The following EYA4 variants were observed in gnomAD, a reference collection of about 807,000 sequenced individuals.
EYA4 encodes protein phosphatase EYA4.
Under a neutral mutation model 87.9 loss-of-function variants are expected in EYA4, and 31 were observed. That is an observed-to-expected ratio of 0.35 (90% CI 0.27 to 0.48). EYA4 has a LOEUF of 0.48. EYA4 is among the 20% of genes least tolerant of loss of function. The pLI is 0.99. For missense variants in EYA4, 678 were observed against 761.4 expected, an observed-to-expected ratio of 0.89 and a Z score of 1.29; for synonymous variants, 263 against 270.6, an observed-to-expected ratio of 0.97 and a Z score of 0.28.
chr6:133,476,862 C>CA (rs1392646283), intron 11 of EYA4, among the ~76,000 whole-genome samples: 16 of 152,034 alleles, frequency 1.1e-4, no homozygotes, highest in African/African-American at 3.6e-4. Context: ...TGTCCCCATC[C>CA]AAAATCTCAT....
At chr6:133,409,607 A>G (rs1270817505) in intron 3 of EYA4, among the ~76,000 whole-genome samples, 2 of 152,200 alleles carry the variant, frequency 1.3e-5, no homozygotes, top group African/African-American at 4.8e-5. Flanking sequence ...TAACCTATGT[A>G]TATCTCTATA....
chr6:133,280,459 C>T (rs1777530338), intron 2 of EYA4, among the ~76,000 whole-genome samples: 1 of 151,812 alleles, frequency 6.6e-6, no homozygotes, highest in Admixed American at 6.6e-5. Context: ...TACGGTGGTA[C>T]AATCTCGGCT....
At chr6:133,442,273 C>A (rs542723871) in intron 3 of EYA4, among the ~76,000 whole-genome samples, 1 of 152,138 alleles carries the variant, frequency 6.6e-6, no homozygotes, top group South Asian at 2.1e-4. Flanking sequence ...CATAGTATTT[C>A]TTTTGTGTTT....
At chr6:133,257,786 C>T (rs576744533) in intron 1 of EYA4, among the ~76,000 whole-genome samples, 11 of 152,268 alleles carry the variant, frequency 7.2e-5, no homozygotes, top group African/African-American at 2.2e-4. Context: ...CTTCATGAAA[C>T]GTAATTTATC....
chr6:133,408,569 A>G (rs968894947), intron 3 of EYA4, among the ~76,000 whole-genome samples: 1 of 152,196 alleles, frequency 6.6e-6, no homozygotes, highest in South Asian at 2.1e-4. Context: ...AATTTGAAAC[A>G]TGGATTTGCC....
intron 3 of EYA4, among the ~76,000 whole-genome samples, chr6:133,430,579 T>C (rs1791098247): frequency 6.6e-6 from 1 of 152,230 alleles, no homozygotes; most frequent in Admixed American, 6.5e-5. Flanking sequence ...AAATTCTTTA[T>C]ACTGGAGAAA....
At chr6:133,287,169 A>G (rs1338041710) in intron 2 of EYA4, among the ~76,000 whole-genome samples, 1 of 152,218 alleles carries the variant, frequency 6.6e-6, no homozygotes, top group East Asian at 1.9e-4. Flanking sequence ...CTATGCTATG[A>G]TATATTATTG....
intron 11 of EYA4, among the ~76,000 whole-genome samples, chr6:133,479,113 A>G (rs1795991091): frequency 6.6e-6 from 1 of 152,216 alleles, no homozygotes; most frequent in Non-Finnish European, 1.5e-5. Flanking sequence ...TTTATTTGAA[A>G]GCAGACATTT....
intron 3 of EYA4, among the ~76,000 whole-genome samples, chr6:133,385,162 G>A (rs1043865408): frequency 2.6e-5 from 4 of 151,702 alleles, no homozygotes; most frequent in Admixed American, 6.6e-5. Flanking sequence ...AGCCAGGCGT[G>A]GTGGCAGGCG....
At position 133,511,005 on chromosome 6, in the gene EYA4, G is replaced by A. The variant is rs190888568; in HGVS notation, c.1282-1716G>A. Among the ~76,000 whole-genome samples, 25 of 152,266 alleles carry A rather than the reference G, an allele frequency of 1.6e-4. No individual in the cohort carries two copies. In the East Asian group the frequency reaches 2.3e-3, roughly 14 times the overall value. ...TCAGATTAAATTTGGGGACCCATAC[G>A]TGTAGGTGGAGATTTATTCAAAACT... On this transcript the variant is annotated intron_variant, in intron 14 of 19. Coordinates refer to ENST00000355286, the MANE Select transcript of EYA4 (RefSeq NM_004100.5).
intron 3 of EYA4, among the ~76,000 whole-genome samples, chr6:133,389,835 A>G (rs1445367040): frequency 6.6e-6 from 1 of 151,928 alleles, no homozygotes; most frequent in Non-Finnish European, 1.5e-5. Flanking sequence ...TGTTTTTTGA[A>G]TTTTCCTCTG....
At chr6:133,491,192 T>C (rs1797121413) in intron 13 of EYA4, among the ~76,000 whole-genome samples, 1 of 151,868 alleles carries the variant, frequency 6.6e-6, no homozygotes, top group Non-Finnish European at 1.5e-5. Context: ...CTAAACCCTA[T>C]GGAATACAGT....
intron 2 of EYA4, among the ~76,000 whole-genome samples, chr6:133,378,926 G>GT (rs1785933324): frequency 2.8e-5 from 4 of 141,726 alleles, no homozygotes; most frequent in South Asian, 2.3e-4. Flanking sequence ...TTTCTGTCTT[G>GT]GTGTGTGTGT....
At chr6:133,407,512 C>G (rs3777828) in intron 3 of EYA4, among the ~76,000 whole-genome samples, 5,341 of 152,128 alleles carry the variant, frequency 0.035, 296 homozygotes, top group East Asian at 0.24. Flanking sequence ...TTACAGCAAG[C>G]TTAGCAGAAG....
chr6:133,482,512 A>G (rs1310312900), intron 12 of EYA4, among the ~76,000 whole-genome samples: 1 of 152,232 alleles, frequency 6.6e-6, no homozygotes, highest in Non-Finnish European at 1.5e-5. Context: ...GCAATTGCCT[A>G]GTTCTCAAAT....
intron 2 of EYA4, among the ~76,000 whole-genome samples, chr6:133,350,683 C>A (rs1160978019): frequency 6.6e-6 from 1 of 152,062 alleles, no homozygotes; most frequent in Non-Finnish European, 1.5e-5. Flanking sequence ...CGTTTGCTCT[C>A]TGTATCTTTT....
chr6:133,498,645 C>T (rs971837444), intron 13 of EYA4, among the ~76,000 whole-genome samples: 2 of 152,150 alleles, frequency 1.3e-5, no homozygotes, highest in African/African-American at 4.8e-5. Flanking sequence ...GGAATGATTA[C>T]AGAATTTGCA....
At chr6:133,309,734 T>TA (rs749910828) in intron 2 of EYA4, among the ~76,000 whole-genome samples, 14 of 152,282 alleles carry the variant, frequency 9.2e-5, no homozygotes, top group Middle Eastern at 6.8e-3. Flanking sequence ...TTGTGGATCT[T>TA]AAAGTTCTCT....
chr6:133,424,512 C>T (rs569947156), intron 3 of EYA4, among the ~76,000 whole-genome samples: 2 of 49,400 alleles, frequency 4.0e-5, no homozygotes, highest in Non-Finnish European at 7.3e-5. Flanking sequence ...AGCAAACACC[C>T]CCCCCCCAGC....
Sources: allele counts gnomAD v4.1 joint callset (sites outside exome capture counted in the v4.1 genomes callset), GRCh38; gene constraint gnomAD v4.1.1; transcripts MANE v1.5; gene names NCBI Gene and HGNC (gene_info 2026-07-23, HGNC 2026-07-21).